Variants in NCOR1 observed in about 807,000 individuals in gnomAD.
NCOR1 encodes protein phosphatase 1, regulatory subunit 109.
In NCOR1, 63 loss-of-function variants were observed where a neutral mutation model predicts 288.1. The observed-to-expected ratio is 0.22, with a 90% CI of 0.18 to 0.27. The LOEUF (loss-of-function observed/expected upper bound fraction) is 0.27, where lower values mean the gene tolerates loss of function less well. NCOR1 is among the 10% of genes least tolerant of loss of function. The probability of loss-of-function intolerance (pLI) is 1.00; values close to 1 mark genes in which losing one functional copy is unlikely to be tolerated. For missense variants in NCOR1, 2,397 were observed against 3,019.2 expected (o/e 0.79, Z 4.83); for synonymous variants, 1,007 against 1,065.9 (o/e 0.94, Z 1.08).
chr17:16,182,748 G>A (rs573396089), intron 3 of NCOR1, among the ~76,000 whole-genome samples: 2 of 152,114 alleles, frequency 1.3e-5, no homozygotes, highest in Non-Finnish European at 2.9e-5. Flanking sequence ...CACAGTGCCC[G>A]GCCCAAAATT....
At chr17:16,207,533 A>T (rs1287451986) in intron 1 of NCOR1, among the ~76,000 whole-genome samples, 1 of 152,112 alleles carries the variant, frequency 6.6e-6, no homozygotes, top group Non-Finnish European at 1.5e-5. Flanking sequence ...CGAGGTCAGG[A>T]GATCGAGACC....
At chr17:16,114,137 G>A (rs1019910820) in intron 18 of NCOR1, among the ~76,000 whole-genome samples, 3 of 46,446 alleles carry the variant, frequency 6.5e-5, no homozygotes, top group African/African-American at 1.9e-4. Context: ...ACATGATGGC[G>A]GCAGGCAAAA....
chr17:16,040,401 G>C, intron 43 of NCOR1, 40 bp downstream of exon 43: 1 of 1,582,664 alleles, frequency 6.3e-7, no homozygotes, highest in Non-Finnish European at 8.7e-7. Flanking sequence ...CTACTGCTGT[G>C]CCAATTTTGT....
chr17:16,142,130 A>G (rs920314508), intron 11 of NCOR1, among the ~76,000 whole-genome samples: 6 of 152,202 alleles, frequency 3.9e-5, no homozygotes, highest in Non-Finnish European at 8.8e-5. Context: ...AAAAAGGAGA[A>G]AAAGTACTGG....
At chr17:16,089,153 T>C (rs1263309369) in intron 22 of NCOR1, among the ~76,000 whole-genome samples, 1 of 150,914 alleles carries the variant, frequency 6.6e-6, no homozygotes, top group Non-Finnish European at 1.5e-5. Flanking sequence ...TGATGGAAAT[T>C]GGATGGTTCT....
intron 15 of NCOR1, 108 bp downstream of exon 15, chr17:16,125,971 TCAC>T (rs2073970661): frequency 1.7e-6 from 1 of 599,096 alleles, no homozygotes; most frequent in Non-Finnish European, 2.7e-6. Context: ...AGCACAGACT[TCAC>T]TACTATGCAA....
At chr17:16,126,270 A>AT in intron 14 of NCOR1, 64 bp from the exon 15 acceptor site, 1 of 1,425,952 alleles carries the variant, frequency 7.0e-7, no homozygotes, top group South Asian at 1.7e-5. Flanking sequence ...TTATAGTGTG[A>AT]TAAATTATGT....
chr17:16,190,368 TC>T (rs1214704167), intron 2 of NCOR1, among the ~76,000 whole-genome samples: 1 of 151,960 alleles, frequency 6.6e-6, no homozygotes, highest in East Asian at 1.9e-4. Context: ...GGAGTCTCGC[TC>T]TGTTGCCCAG....
chr17:16,127,033 CTATTT>C (rs2074173447), intron 14 of NCOR1, among the ~76,000 whole-genome samples: 1 of 151,878 alleles, frequency 6.6e-6, no homozygotes, highest in Non-Finnish European at 1.5e-5. Flanking sequence ...TGCTATAACT[CTATTT>C]TATTATTTGT....
intron 33 of NCOR1, 63 bp from the exon 34 acceptor site, chr17:16,065,082 CTT>C: frequency 6.7e-7 from 1 of 1,487,722 alleles, no homozygotes; most frequent in Non-Finnish European, 9.1e-7. Flanking sequence ...CCATACATGA[CTT>C]TGGATTTTGT....
At chr17:16,041,204 G>A (rs981457115) in intron 42 of NCOR1, 1 of 152,164 alleles carries the variant, frequency 6.6e-6, no homozygotes, top group African/African-American at 2.4e-5. Flanking sequence ...TGTGCAACTT[G>A]TAATCTGCAG....
In NCOR1 at chr17:16,207,751, A is replaced by AAAAAG. The variant is rs746773891; in HGVS notation, c.-71+7606_-71+7610dup. ...GAGACTCCATCTCCAAAAAAAAAAA[A>AAAAAG]AAAAGAAAAGAAAAGAAAAGAAAAA... is the stretch of plus-strand genomic sequence containing the variant. On this transcript the variant is annotated intron_variant, in intron 1 of 45. Transcript: ENST00000268712. Among the ~76,000 whole-genome samples, 137 of 151,044 alleles carry AAAAAG rather than the reference A, an allele frequency of 9.1e-4. No individual in the cohort carries two copies. The East Asian group carries it at 0.01, about 11-fold the overall frequency.
intron 3 of NCOR1, 66 bp from the exon 4 acceptor site, chr17:16,172,061 C>T (rs1205152358): frequency 7.8e-7 from 1 of 1,289,538 alleles, no homozygotes; most frequent in Non-Finnish European, 1.1e-6. Context: ...CTGGTAACAT[C>T]CCTGGTTAGA....
chr17:16,113,483 T>C (rs994023811), intron 18 of NCOR1, among the ~76,000 whole-genome samples: 1 of 152,240 alleles, frequency 6.6e-6, no homozygotes, highest in East Asian at 1.9e-4. Flanking sequence ...ATTTTTCAGA[T>C]ACTTATGCAT....
chr17:16,177,610 T>C (rs919368247), intron 3 of NCOR1, among the ~76,000 whole-genome samples: 3 of 152,082 alleles, frequency 2.0e-5, no homozygotes, highest in Non-Finnish European at 4.4e-5. Context: ...AACATGTAAG[T>C]GGGGCAAAGG....
chr17:16,183,114 G>A (rs910609140), intron 3 of NCOR1, among the ~76,000 whole-genome samples: 1 of 150,216 alleles, frequency 6.7e-6, no homozygotes, highest in African/African-American at 2.4e-5. Context: ...TTTCCACTAA[G>A]ATACCATGAA....
intron 4 of NCOR1, among the ~76,000 whole-genome samples, chr17:16,165,808 C>A (rs1383437914): frequency 3.3e-5 from 5 of 152,152 alleles, no homozygotes; most frequent in Non-Finnish European, 7.3e-5. Context: ...GCCGCTTCAC[C>A]CAAAATCCAC....
intron 31 of NCOR1, among the ~76,000 whole-genome samples, chr17:16,069,841 C>T (rs1048966435): frequency 1.3e-5 from 2 of 152,160 alleles, no homozygotes; most frequent in Admixed American, 1.3e-4. Flanking sequence ...GCTTTCACAC[C>T]ACACTGCCGC....
At chr17:16,213,930 G>A (rs1379468410) in intron 1 of NCOR1, among the ~76,000 whole-genome samples, 1 of 152,146 alleles carries the variant, frequency 6.6e-6, no homozygotes, top group Non-Finnish European at 1.5e-5. Flanking sequence ...CCTACTGTGA[G>A]CATTTTATAC....
Sources: allele counts gnomAD v4.1 joint callset (sites outside exome capture counted in the v4.1 genomes callset), GRCh38; gene constraint gnomAD v4.1.1; transcripts MANE v1.5; gene names NCBI Gene and HGNC (gene_info 2026-07-23, HGNC 2026-07-21).